The following MEOX1 variants were observed in gnomAD, a reference collection of about 807,000 sequenced individuals.
The protein encoded by MEOX1 is mesenchyme homeobox 1.
A neutral mutation model predicts 23.2 loss-of-function variants in MEOX1; 17 were observed. The ratio of observed to expected loss-of-function variants is 0.73; its 90% CI spans 0.50 to 1.10. The LOEUF (loss-of-function observed/expected upper bound fraction) is 1.10. Among genes scored for constraint, MEOX1 ranks in the 50% least tolerant of loss-of-function variants. The pLI is 0.00. For missense variants in MEOX1, 333 were observed against 332.2 expected (o/e 1.00, Z -0.02); for synonymous variants, 134 against 135.1 (o/e 0.99, Z 0.06).
chr17:43,640,591 G>A lies in MEOX1; in HGVS notation c.*1319C>T, dbSNP rs765505828. ...GGGAGGTGGGGTTATTTTTACATGT[G>A]AATGATTACATCTGCGTACAAGAGA... On this transcript the variant is annotated 3_prime_UTR_variant, in exon 3 of 3. Coordinates refer to ENST00000318579, the MANE Select transcript of MEOX1 (RefSeq NM_004527.4). 1 of 152,096 alleles carries A rather than the reference G, an allele frequency of 6.6e-6. No individual in the cohort carries two copies. Among genetic ancestry groups the A allele is most frequent in the African/African-American group, 2.4e-5 (1 of 41,406 alleles). 9.4% of individuals were successfully genotyped at this position (152,096 alleles called of 1,614,324 possible).
At chr17:43,642,083 C>T in intron 2 of MEOX1, 51 bp from the exon 3 acceptor site, 1 of 1,568,534 alleles carries the variant, frequency 6.4e-7, no homozygotes, top group South Asian at 1.2e-5. Flanking sequence ...GTGTGACCTC[C>T]TCCCCATGTC....
chr17:43,647,968 G>A (rs1324847853), intron 1 of MEOX1, among the ~76,000 whole-genome samples: 1 of 152,246 alleles, frequency 6.6e-6, no homozygotes, highest in East Asian at 1.9e-4. Flanking sequence ...GTTCACCACT[G>A]TTGGAAATGA....
At position 43,661,875 on chromosome 17, in the gene MEOX1, T is replaced by C; in HGVS notation, c.-341A>G. 1 of 208,610 alleles carries C rather than the reference T, an allele frequency of 4.8e-6. No homozygotes were observed. Among genetic ancestry groups the C allele is most frequent in the South Asian group, 1.9e-4 (1 of 5,394 alleles). The allele number at this position is 208,610 out of a possible 1,614,324, so 12.9% of individuals were successfully genotyped here. A position where few individuals can be genotyped will look rare whatever the true frequency, so the allele number is the denominator to read the frequency against. ...ACTGTCCCAACCCAGACGCACCAGC[T>C]GACGAGGAGTTCGTCCTGGAGCCCA... On this transcript the variant is annotated 5_prime_UTR_variant, in exon 1 of 3. Transcript: ENST00000318579.
intron 1 of MEOX1, among the ~76,000 whole-genome samples, chr17:43,655,008 C>T (rs1207444239): frequency 5.3e-5 from 8 of 151,664 alleles, no homozygotes; most frequent in East Asian, 2.0e-4. Context: ...GCTGAGATCG[C>T]GCCACTGCAC....
intron 1 of MEOX1, among the ~76,000 whole-genome samples, chr17:43,656,944 C>T (rs1973030353): frequency 1.3e-5 from 2 of 152,128 alleles, no homozygotes; most frequent in South Asian, 4.2e-4. Context: ...TGCCAAAGGC[C>T]AGGAACCCTG....
At chr17:43,651,234 G>C (rs1972910565) in intron 1 of MEOX1, among the ~76,000 whole-genome samples, 1 of 152,118 alleles carries the variant, frequency 6.6e-6, no homozygotes, top group Admixed American at 6.5e-5. Flanking sequence ...CAGGAGAATG[G>C]CATGAAACTG....
intron 1 of MEOX1, among the ~76,000 whole-genome samples, chr17:43,658,274 C>T (rs918164889): frequency 2.0e-5 from 3 of 152,230 alleles, no homozygotes; most frequent in Middle Eastern, 3.4e-3. Flanking sequence ...TTTGGGAGGC[C>T]GAGGTGGGCT....
At chr17:43,660,719 G>C (rs2006665) in intron 1 of MEOX1, among the ~76,000 whole-genome samples, 107,924 of 152,026 alleles carry the variant, frequency 0.71, 38,562 homozygotes, top group East Asian at 0.87. Context: ...TGGGGAGGAG[G>C]ATGACTCAAT....
chr17:43,658,098 T>C (rs1476807322), intron 1 of MEOX1, among the ~76,000 whole-genome samples: 1 of 152,268 alleles, frequency 6.6e-6, no homozygotes, highest in Non-Finnish European at 1.5e-5. Flanking sequence ...TCTGTCTGGC[T>C]GGGAAGAACT....
intron 1 of MEOX1, among the ~76,000 whole-genome samples, chr17:43,644,734 C>T (rs1352794386): frequency 2.6e-5 from 4 of 151,896 alleles, no homozygotes; most frequent in Non-Finnish European, 2.9e-5. Flanking sequence ...GCCAACATGG[C>T]GAAACCCCCG....
chr17:43,657,014 C>CTTTA (rs1491325573), intron 1 of MEOX1, among the ~76,000 whole-genome samples: 2 of 100,744 alleles, frequency 2.0e-5, no homozygotes, highest in African/African-American at 8.0e-5. Flanking sequence ...CTTTCTTTCT[C>CTTTA]TTTCTTTCTT....
chr17:43,643,439 G>A, intron 2 of MEOX1, 49 bp downstream of exon 2: 1 of 1,484,708 alleles, frequency 6.7e-7, no homozygotes, highest in Non-Finnish European at 9.1e-7. Flanking sequence ...AGGAGGGAAG[G>A]GAGGGAGATG....
chr17:43,644,932 A>C (rs1972774481), intron 1 of MEOX1, among the ~76,000 whole-genome samples: 1 of 152,060 alleles, frequency 6.6e-6, no homozygotes, highest in Non-Finnish European at 1.5e-5. Flanking sequence ...AAAATTTAGG[A>C]AGGGCTTACA....
intron 1 of MEOX1, among the ~76,000 whole-genome samples, chr17:43,657,152 C>T (rs537515181): frequency 3.1e-4 from 34 of 108,634 alleles, no homozygotes; most frequent in African/African-American, 1.2e-3. Context: ...CTTTCTCTCT[C>T]TCTTTCTTTC....
At chr17:43,646,301 G>A (rs1016466281) in intron 1 of MEOX1, among the ~76,000 whole-genome samples, 8 of 152,136 alleles carry the variant, frequency 5.3e-5, no homozygotes, top group African/African-American at 1.9e-4. Flanking sequence ...CGCCAGCGCC[G>A]CGCCCCCTCC....
At chr17:43,649,267 C>CT (rs1214430856) in intron 1 of MEOX1, among the ~76,000 whole-genome samples, 8 of 129,622 alleles carry the variant, frequency 6.2e-5, no homozygotes, top group Non-Finnish European at 1.3e-4. Flanking sequence ...AAAGGGTTAT[C>CT]TTTTAAATGT....
At chr17:43,660,997 C>CTG in intron 1 of MEOX1, 69 bp downstream of exon 1, 1 of 1,035,942 alleles carries the variant, frequency 9.7e-7, no homozygotes, top group Non-Finnish European at 1.4e-6. Flanking sequence ...CACCTAGGCA[C>CTG]AGAGAGGGTG....
In MEOX1 at chr17:43,653,511, CTT is replaced by C. The variant is rs558730946; in HGVS notation, c.469+7553_469+7554del. 1.2e-3 allele frequency among the ~76,000 whole-genome samples: 170 copies of C among 137,848 alleles called. No individual in the cohort carries two copies. The South Asian group carries it at 0.02, about 16-fold the overall frequency. 90.4% of individuals were successfully genotyped at this position (137,848 alleles called of 152,430 possible). A position where few individuals can be genotyped will look rare whatever the true frequency, so the allele number is the denominator to read the frequency against. ...AGATTCACTCCTAAAACTGCCTCCA[CTT>C]TTTTTTTTTTTTTTTGAGACAGAGT... is the stretch of plus-strand genomic sequence containing the variant. On this transcript the variant is annotated intron_variant, in intron 1 of 2. Coordinates refer to ENST00000318579, the MANE Select transcript of MEOX1 (RefSeq NM_004527.4).
rs770211042 is a variant in MEOX1, at chr17:43,661,178, G to T, written c.357C>A (p.Ser119Arg). Reference sequence around the variant, plus strand: ...CTGTGGTGTCCACCAGGCCCAGGCTGCTGGTCCCCATTTCCTTGGAACCCC... The same window carrying T: ...CTGTGGTGTCCACCAGGCCCAGGCTTCTGGTCCCCATTTCCTTGGAACCCC... Reference protein sequence around the residue: ...PAGGSKEMGTSSLGLVDTTGG... With the variant: ...PAGGSKEMGTRSLGLVDTTGG... The change falls in exon 1 of 3, where the codon AGC becomes AGA. Residue 119 changes from serine (S) to arginine (R), a missense_variant. Physicochemically the swap from Ser to Arg is moderately radical, Grantham distance 110. Transcript: ENST00000318579. 1.9e-6 allele frequency: 3 copies of T among 1,602,746 alleles called. No individual in the cohort carries two copies. Among genetic ancestry groups the T allele is most frequent in the African/African-American group, 2.7e-5 (2 of 74,670 alleles).
Sources: gnomAD v4.1 joint callset for allele counts (sites outside exome capture counted in the v4.1 genomes callset) on GRCh38, gnomAD v4.1.1 for gene constraint, MANE v1.5 for transcripts, NCBI Gene and HGNC (gene_info 2026-07-23, HGNC 2026-07-21) for gene names.